Variants in FAM229B observed in about 807,000 individuals in gnomAD.
The protein encoded by FAM229B is protein FAM229B.
In FAM229B, 2 loss-of-function variants were observed where a neutral mutation model predicts 6.7. The observed-to-expected ratio is 0.30, with a 90% CI of 0.12 to 0.94. FAM229B has a LOEUF of 0.94. Ranked by LOEUF, FAM229B falls within the 40% of genes least tolerant of loss-of-function variation. The pLI is 0.54. For synonymous variants in FAM229B, 29 were observed against 34.0 expected (o/e 0.85, Z 0.51); for missense variants, 93 against 96.2 (o/e 0.97, Z 0.14).
chr6:112,095,661 C>A (rs369991596), intron 1 of FAM229B, among the ~76,000 whole-genome samples: 244 of 95,550 alleles, frequency 2.6e-3, no homozygotes, highest in Middle Eastern at 6.1e-3. Flanking sequence ...AAAAAAAAAA[C>A]CAAAAAAAAA....
At chr6:112,090,054 A>G (rs969528998) in intron 1 of FAM229B, among the ~76,000 whole-genome samples, 14 of 152,220 alleles carry the variant, frequency 9.2e-5, no homozygotes, top group African/African-American at 3.4e-4. Flanking sequence ...ACAATTAATT[A>G]GAGTACTTTA....
chr6:112,090,976 A>G (rs1461194692), intron 1 of FAM229B, among the ~76,000 whole-genome samples: 1 of 152,018 alleles, frequency 6.6e-6, no homozygotes, highest in Admixed American at 6.5e-5. Flanking sequence ...AACTTATTGT[A>G]TCCGTTGGAC....
intron 1 of FAM229B, among the ~76,000 whole-genome samples, chr6:112,093,640 G>T (rs1234540489): frequency 6.6e-6 from 1 of 151,944 alleles, no homozygotes; most frequent in Admixed American, 6.6e-5. Flanking sequence ...AAATTTAAAA[G>T]AATTCAAGTC....
intron 1 of FAM229B, among the ~76,000 whole-genome samples, chr6:112,095,662 CAA>C (rs376039549): frequency 2.6e-5 from 2 of 77,904 alleles, no homozygotes; most frequent in Non-Finnish European, 5.4e-5. Context: ...AAAAAAAAAC[CAA>C]AAAAAAAAAA....
chr6:112,100,722 G>T lies in FAM229B; in HGVS notation c.178G>T (p.Val60Phe). Reference sequence around the variant, plus strand: ...TTGCCTGACAATAACTGATGTTCCCGTCACTGTTTATGCAACAACGAGAAA... The same window carrying T: ...TTGCCTGACAATAACTGATGTTCCCTTCACTGTTTATGCAACAACGAGAAA... ...SHCLTITDVPVTVYATTRKPP... is the reference protein window; with the variant it reads ...SHCLTITDVPFTVYATTRKPP... The change falls in exon 4 of 4, where the codon GTC becomes TTC. Residue 60 changes from valine (V) to phenylalanine (F), a missense_variant. Coordinates refer to ENST00000368656, the MANE Select transcript of FAM229B (RefSeq NM_001033564.3). The T allele has an allele frequency of 6.2e-7, 1 of 1,613,954 alleles. No homozygotes were observed. The highest frequency in any genetic ancestry group is 2.2e-5 in the East Asian group (1 of 44,872).
chr6:112,088,103 G>T (rs1281567202), intron 1 of FAM229B, among the ~76,000 whole-genome samples: 5 of 152,184 alleles, frequency 3.3e-5, no homozygotes, highest in African/African-American at 1.2e-4. Context: ...CATAGATCCA[G>T]TTCCAAGAAG....
Position 112,099,419 on chromosome 6 carries a change from C to T in FAM229B, c.125+11C>T. On this transcript the variant is annotated intron_variant, in intron 3 of 3. Coordinates refer to ENST00000368656, the MANE Select transcript of FAM229B (RefSeq NM_001033564.3). ...GATGTCACCAACCAGGTAAAGTCTTCTGTCCTCACAAGTGAGGAGATATGT... is the reference window on the plus strand; with the variant it reads ...GATGTCACCAACCAGGTAAAGTCTTTTGTCCTCACAAGTGAGGAGATATGT... 2 of 1,611,518 alleles carry T rather than the reference C, an allele frequency of 1.2e-6. No homozygotes were observed. The highest frequency in any genetic ancestry group is 1.7e-6 in the Non-Finnish European group (2 of 1,178,908).
At chr6:112,097,964 G>C (rs1331352705) in intron 2 of FAM229B, among the ~76,000 whole-genome samples, 1 of 152,194 alleles carries the variant, frequency 6.6e-6, no homozygotes, top group Non-Finnish European at 1.5e-5. Context: ...GGGGACATTT[G>C]ACAATGTCTA....
chr6:112,093,172 C>G (rs1554318324), intron 1 of FAM229B, among the ~76,000 whole-genome samples: 1 of 151,442 alleles, frequency 6.6e-6, no homozygotes, highest in Non-Finnish European at 1.5e-5. Flanking sequence ...AATATAATAA[C>G]CAAATTGGTT....
chr6:112,096,282 C>T (rs1287562007), intron 1 of FAM229B, among the ~76,000 whole-genome samples: 3 of 152,120 alleles, frequency 2.0e-5, no homozygotes, highest in Admixed American at 6.5e-5. Context: ...TTCGGCCGGG[C>T]GCGGTGGCTC....
rs1363713675 is a variant in FAM229B, at chr6:112,100,583, TAA to T, written c.126-85_126-84del. 7 of 843,620 alleles carry T rather than the reference TAA, an allele frequency of 8.3e-6. No homozygotes were observed. The African/African-American group carries it at 1.2e-4, about 14-fold the overall frequency. The allele number at this position is 843,620 out of a possible 1,614,324, so 52.3% of individuals were successfully genotyped here. On this transcript the variant is annotated intron_variant, in intron 3 of 3. Coordinates refer to ENST00000368656, the MANE Select transcript of FAM229B (RefSeq NM_001033564.3). ...AGATTTCAAAGTGATTTAAAACAGT[TAA>T]ATATACAATCAAACTTTGGTGCTCT...
At chr6:112,092,767 A>C (rs141599380) in intron 1 of FAM229B, among the ~76,000 whole-genome samples, 1 of 152,120 alleles carries the variant, frequency 6.6e-6, no homozygotes, top group East Asian at 1.9e-4. Context: ...GAGAGGGGAA[A>C]TGGAATATAC....
At chr6:112,095,295 T>G (rs2114505900) in intron 1 of FAM229B, among the ~76,000 whole-genome samples, 1 of 152,252 alleles carries the variant, frequency 6.6e-6, no homozygotes, top group South Asian at 2.1e-4. Context: ...ACAGACAAAC[T>G]TTTAGTGATT....
At chr6:112,100,170 C>T (rs372086039) in intron 3 of FAM229B, among the ~76,000 whole-genome samples, 7 of 152,066 alleles carry the variant, frequency 4.6e-5, no homozygotes, top group African/African-American at 9.7e-5. Context: ...TTCATATATT[C>T]GATGTATTTT....
At chr6:112,088,033 C>T (rs761680127) in intron 1 of FAM229B, among the ~76,000 whole-genome samples, 8 of 152,188 alleles carry the variant, frequency 5.3e-5, no homozygotes, top group African/African-American at 9.7e-5. Context: ...ATTTGTTGAA[C>T]GCTGTATACT....
intron 1 of FAM229B, among the ~76,000 whole-genome samples, chr6:112,096,121 T>C (rs587594329): frequency 6.6e-6 from 1 of 152,264 alleles, no homozygotes; most frequent in East Asian, 1.9e-4. Flanking sequence ...AACTAAACAT[T>C]ACTGAGTAGA....
At chr6:112,098,060 A>G (rs1777350201) in intron 2 of FAM229B, among the ~76,000 whole-genome samples, 1 of 152,304 alleles carries the variant, frequency 6.6e-6, no homozygotes, top group African/African-American at 2.4e-5. Flanking sequence ...GAAACATCCT[A>G]CAGTGCACAG....
intron 1 of FAM229B, among the ~76,000 whole-genome samples, chr6:112,091,518 AG>A (rs781954582): frequency 1.3e-5 from 2 of 152,198 alleles, no homozygotes; most frequent in Non-Finnish European, 2.9e-5. Flanking sequence ...AGTGAAGAAA[AG>A]TTAGCCCTGG....
Sources: allele counts gnomAD v4.1 joint callset (sites outside exome capture counted in the v4.1 genomes callset), GRCh38; gene constraint gnomAD v4.1.1; transcripts MANE v1.5; gene names NCBI Gene and HGNC (gene_info 2026-07-23, HGNC 2026-07-21).